The following PLPPR5 variants were observed in gnomAD, a reference collection of about 807,000 sequenced individuals.
PLPPR5 encodes phospholipid phosphatase-related protein type 5.
Under a neutral mutation model 33.9 loss-of-function variants are expected in PLPPR5, and 16 were observed. That is an observed-to-expected ratio of 0.47 (90% CI 0.32 to 0.72). PLPPR5 has a LOEUF of 0.72. Ranked by LOEUF, PLPPR5 falls within the 30% of genes least tolerant of loss-of-function variation. The pLI is 0.03. For synonymous variants in PLPPR5, 163 were observed against 150.3 expected (o/e 1.08, Z -0.62); for missense variants, 301 against 406.7 (o/e 0.74, Z 2.23).
chr1:98,984,723 T>A (rs563873831), intron 1 of PLPPR5, among the ~76,000 whole-genome samples: 1 of 152,014 alleles, frequency 6.6e-6, no homozygotes, highest in African/African-American at 2.4e-5. Flanking sequence ...TACTATCCTA[T>A]CCCAAAAGTG....
rs1039827220 is a variant in PLPPR5 at position 98,903,705 on chromosome 1, A to C, written c.934-10601T>G. Among the ~76,000 whole-genome samples the C allele has an allele frequency of 6.6e-5, 10 of 152,296 alleles. No homozygotes were observed. In the South Asian group the frequency reaches 2.1e-3, roughly 32 times the overall value. On this transcript the variant is annotated intron_variant, in intron 5 of 5. Transcript: ENST00000263177. The stretch of plus-strand genomic sequence containing the variant: ...AACTAACTTGTGTGAAGCACCTACT[A>C]TGTGCCGAGAAGTTTATCTGTGATG...
chr1:98,961,905 A>G (rs1282327999), intron 1 of PLPPR5, among the ~76,000 whole-genome samples: 1 of 152,158 alleles, frequency 6.6e-6, no homozygotes, highest in East Asian at 1.9e-4. Context: ...CTGCTCCACT[A>G]AGGAATCCTA....
intron 3 of PLPPR5, among the ~76,000 whole-genome samples, chr1:98,932,245 C>T (rs1314099679): frequency 1.3e-5 from 2 of 152,170 alleles, no homozygotes; most frequent in African/African-American, 2.4e-5. Context: ...ATTTTAAGTA[C>T]AACATGGGTT....
chr1:98,930,993 C>A (rs1209986620), intron 3 of PLPPR5, among the ~76,000 whole-genome samples: 1 of 152,124 alleles, frequency 6.6e-6, no homozygotes, highest in Non-Finnish European at 1.5e-5. Flanking sequence ...CCATTCACAA[C>A]AAAAACTTCG....
At chr1:98,925,664 T>C (rs928626328) in intron 3 of PLPPR5, among the ~76,000 whole-genome samples, 6 of 149,760 alleles carry the variant, frequency 4.0e-5, no homozygotes, top group Admixed American at 2.0e-4. Flanking sequence ...TTATTAATAA[T>C]AAAACAATGC....
chr1:98,939,910 A>G (rs570535135), intron 3 of PLPPR5, among the ~76,000 whole-genome samples: 1 of 152,026 alleles, frequency 6.6e-6, no homozygotes, highest in South Asian at 2.1e-4. Flanking sequence ...TCTATTATTT[A>G]TCGTAGAGAA....
intron 1 of PLPPR5, among the ~76,000 whole-genome samples, chr1:98,975,532 G>C (rs1044428666): frequency 2.0e-5 from 3 of 152,050 alleles, no homozygotes; most frequent in Non-Finnish European, 4.4e-5. Context: ...GTCAACAGAA[G>C]TACAAATATA....
chr1:98,952,237 T>G (rs1228678221), intron 3 of PLPPR5, among the ~76,000 whole-genome samples: 9 of 134,242 alleles, frequency 6.7e-5, no homozygotes, highest in Non-Finnish European at 1.4e-4. Context: ...CACTCCAGCC[T>G]GGGTGACAGA....
At chr1:98,928,435 CTT>C (rs35242945) in intron 3 of PLPPR5, among the ~76,000 whole-genome samples, 5,554 of 151,024 alleles carry the variant, frequency 0.037, 130 homozygotes, top group Non-Finnish European at 0.058. Context: ...TTATTACTAA[CTT>C]ATATTGATAC....
chr1:98,922,170 A>C (rs1570699825), intron 3 of PLPPR5, 112 bp from the exon 4 acceptor site: 4 of 924,336 alleles, frequency 4.3e-6, no homozygotes, highest in Non-Finnish European at 6.2e-6. Flanking sequence ...CGCCTGTATG[A>C]TTCAAATCAT....
chr1:98,974,766 T>C (rs569239943), intron 1 of PLPPR5, among the ~76,000 whole-genome samples: 4 of 152,228 alleles, frequency 2.6e-5, no homozygotes, highest in African/African-American at 9.6e-5. Flanking sequence ...ACAAGATGTA[T>C]GCATTATTCC....
chr1:98,992,278 TATGTTTGCTATTATTTTGAG>T (rs1185795782), intron 1 of PLPPR5, among the ~76,000 whole-genome samples: 1 of 152,116 alleles, frequency 6.6e-6, no homozygotes, highest in Non-Finnish European at 1.5e-5. Flanking sequence ...GTCCTGCTAT[TATGTTTGCTATTATTTTGAG>T]AGTACTCCTA....
At chr1:98,917,386 T>C (rs1649396894) in intron 4 of PLPPR5, among the ~76,000 whole-genome samples, 1 of 152,120 alleles carries the variant, frequency 6.6e-6, no homozygotes, top group Admixed American at 6.6e-5. Context: ...AAACTATCTC[T>C]CTAAATCTAA....
intron 4 of PLPPR5, 24 bp from the exon 5 acceptor site, chr1:98,914,944 A>G (rs1649290134): frequency 1.2e-6 from 2 of 1,601,474 alleles, no homozygotes; most frequent in African/African-American, 2.7e-5. Context: ...AGACAATTAC[A>G]GTTAAAGCAA....
chr1:98,950,045 T>C (rs116049795), intron 3 of PLPPR5, among the ~76,000 whole-genome samples: 27 of 152,336 alleles, frequency 1.8e-4, no homozygotes, highest in Non-Finnish European at 3.7e-4. Flanking sequence ...ATGCTGGTAT[T>C]ATGCAGGAAA....
chr1:98,917,144 C>T (rs1029866981), intron 4 of PLPPR5, among the ~76,000 whole-genome samples: 1 of 152,110 alleles, frequency 6.6e-6, no homozygotes, highest in Non-Finnish European at 1.5e-5. Flanking sequence ...ACATGCCACC[C>T]CACTCCCCAA....
At chr1:98,925,861 T>C (rs75598799) in intron 3 of PLPPR5, among the ~76,000 whole-genome samples, 1 of 152,102 alleles carries the variant, frequency 6.6e-6, no homozygotes. Context: ...ACACAATCCT[T>C]CTGTGTGTTC....
intron 3 of PLPPR5, among the ~76,000 whole-genome samples, chr1:98,931,711 C>T (rs1017559433): frequency 1.3e-5 from 2 of 151,846 alleles, no homozygotes; most frequent in Non-Finnish European, 2.9e-5. Context: ...GGGGTGAGTA[C>T]AGAGGGAAGT....
At chr1:98,973,852 G>A (rs1347321796) in intron 1 of PLPPR5, among the ~76,000 whole-genome samples, 1 of 149,902 alleles carries the variant, frequency 6.7e-6, no homozygotes, top group African/African-American at 2.5e-5. Flanking sequence ...TGAGGTGCCG[G>A]TACTTAATTT....
Sources: gnomAD v4.1 joint callset for allele counts (sites outside exome capture counted in the v4.1 genomes callset) on GRCh38, gnomAD v4.1.1 for gene constraint, MANE v1.5 for transcripts, NCBI Gene and HGNC (gene_info 2026-07-23, HGNC 2026-07-21) for gene names.